ZNF138: variants seen among roughly 807,000 people sequenced by gnomAD.
The protein encoded by ZNF138 is zinc finger protein 138.
In ZNF138, 33 loss-of-function variants were observed where a neutral mutation model predicts 33.0. That is an observed-to-expected ratio of 1.00 (90% CI 0.76 to 1.34). ZNF138 has a LOEUF of 1.34. ZNF138 is among the 40% of genes most tolerant of loss of function. ZNF138 has a pLI of 0.00. For synonymous variants in ZNF138, 139 were observed against 120.4 expected (o/e 1.15, Z -1.01); for missense variants, 360 against 370.8 (o/e 0.97, Z 0.24).
intron 3 of ZNF138, among the ~76,000 whole-genome samples, chr7:64,830,487 T>G (rs574832799): frequency 3.9e-5 from 6 of 152,258 alleles, no homozygotes; most frequent in South Asian, 2.1e-4. Flanking sequence ...TTTTTTGTTT[T>G]GTTTTGTTTT....
chr7:64,795,990 G>A (rs1215424917), intron 1 of ZNF138, among the ~76,000 whole-genome samples: 1 of 152,206 alleles, frequency 6.6e-6, no homozygotes, highest in East Asian at 1.9e-4. Context: ...CCCTGGGGCT[G>A]AGAGGAATCT....
In ZNF138 at chr7:64,815,585, C is replaced by T. The variant is rs866665583; in HGVS notation, c.140C>T (p.Thr47Ile). The change falls in exon 3 of 4, where the codon ACC becomes ATC. Residue 47 changes from threonine (T) to isoleucine (I), a missense_variant. By Grantham distance (89) the Thr-to-Ile change is moderately conservative. Coordinates refer to ENST00000307355, the MANE Select transcript of ZNF138 (RefSeq NM_001271639.2). ...YRNLVFLDLI[T>I]CLEQGKEPWN... ...GCTATCTCTAAGCCAGACCTGATTA[C>T]CTGTCTGGAACAAGGAAAAGAGCCC... The T allele has an allele frequency of 2.5e-6, 4 of 1,611,442 alleles. No homozygotes were observed. Among genetic ancestry groups the T allele is most frequent in the Middle Eastern group, 1.7e-4 (1 of 6,050 alleles).
the ZNF138 span, among the ~76,000 whole-genome samples, chr7:64,855,371 G>A: frequency 3.3e-5 from 5 of 152,080 alleles, no homozygotes; most frequent in African/African-American, 7.2e-5. Context: ...AGTCAGAGAC[G>A]CTTAAATGTC....
chr7:64,824,482 A>G (rs978029683), intron 3 of ZNF138, among the ~76,000 whole-genome samples: 6 of 152,124 alleles, frequency 3.9e-5, no homozygotes, highest in South Asian at 2.1e-4. Flanking sequence ...ATAGTCTATA[A>G]TGTTGTCTAA....
At chr7:64,799,469 A>T (rs1786968127) in intron 1 of ZNF138, among the ~76,000 whole-genome samples, 1 of 151,780 alleles carries the variant, frequency 6.6e-6, no homozygotes, top group Non-Finnish European at 1.5e-5. Flanking sequence ...GCTGATGTTG[A>T]TCTTTTCTAT....
chr7:64,837,081 C>A (rs1167677423), downstream of ZNF138, among the ~76,000 whole-genome samples: 1 of 152,120 alleles, frequency 6.6e-6, no homozygotes, highest in African/African-American at 2.4e-5. Flanking sequence ...TCGAGAAGAA[C>A]CTGAATAAAT....
rs144734321 is a variant in ZNF138 at position 64,822,390 on chromosome 7, G to A, written c.208+6737G>A. 1.3e-3 allele frequency among the ~76,000 whole-genome samples: 191 copies of A among 151,500 alleles called. 5 individuals are homozygous for A. Among genetic ancestry groups the A allele is most frequent in the African/African-American group, 4.0e-3 (165 of 40,946 alleles). ...AAAGTAATGCCAAGATCAATGTCAT[G>A]TTTTTTTCTTACATTCATTTCTAAG... is the stretch of plus-strand genomic sequence containing the variant. On this transcript the variant is annotated intron_variant, in intron 3 of 3. Coordinates refer to ENST00000307355, the MANE Select transcript of ZNF138 (RefSeq NM_001271639.2).
At position 64,832,737 on chromosome 7, in the gene ZNF138, G is replaced by T; in HGVS notation, c.*535G>T. 1 of 451,630 alleles carries T rather than the reference G, an allele frequency of 2.2e-6. No individual in the cohort carries two copies. The allele number at this position is 451,630 out of a possible 1,614,324, so 28.0% of individuals were successfully genotyped here. On this transcript the variant is annotated 3_prime_UTR_variant, in exon 4 of 4. Transcript: ENST00000307355. ...TACTGCACATAAGATCATTCATACT[G>T]GAGAGAAACCTTACAAATGTGAGGA...
At chr7:64,859,848 G>A in the ZNF138 span, among the ~76,000 whole-genome samples, 7 of 152,130 alleles carry the variant, frequency 4.6e-5, no homozygotes, top group African/African-American at 1.7e-4. Context: ...TATAAAAATA[G>A]TGATTATTGG....
At chr7:64,838,487 T>G (rs1162062343), downstream of ZNF138, among the ~76,000 whole-genome samples, 1 of 152,148 alleles carries the variant, frequency 6.6e-6, no homozygotes, top group Admixed American at 6.5e-5. Context: ...CCTCTCCTGC[T>G]GGGGCTCTTA....
chr7:64,829,964 A>G (rs1432884099), intron 3 of ZNF138, among the ~76,000 whole-genome samples: 1 of 152,106 alleles, frequency 6.6e-6, no homozygotes, highest in Non-Finnish European at 1.5e-5. Flanking sequence ...CACAAATGGC[A>G]GTGCCAATAT....
the ZNF138 span, among the ~76,000 whole-genome samples, chr7:64,848,704 AT>A: frequency 0.017 from 1,702 of 102,568 alleles, 29 homozygotes; most frequent in African/African-American, 0.061. Flanking sequence ...ATTTTGGTGG[AT>A]TTTTTTTTTT....
intron 1 of ZNF138, among the ~76,000 whole-genome samples, chr7:64,813,775 T>A (rs1349722847): frequency 6.6e-6 from 1 of 152,086 alleles, no homozygotes; most frequent in Non-Finnish European, 1.5e-5. Context: ...TACAATTTAC[T>A]TTTGGGGGCA....
rs558379183 is a variant in ZNF138 at position 64,818,817 on chromosome 7, T to G, written c.208+3164T>G. On this transcript the variant is annotated intron_variant, in intron 3 of 3. Transcript: ENST00000307355. ...TCTTCTATTCATGGTTATGCTGCAT[T>G]TCCTCTGAAATTTTACTGCCATACA... 2.4e-3 allele frequency among the ~76,000 whole-genome samples: 363 copies of G among 152,132 alleles called. 5 individuals carry two copies. Among genetic ancestry groups the G allele is most frequent in the African/African-American group, 8.5e-3 (351 of 41,520 alleles).
chr7:64,821,001 T>C (rs1180184791), intron 3 of ZNF138, among the ~76,000 whole-genome samples: 1 of 151,318 alleles, frequency 6.6e-6, no homozygotes, highest in African/African-American at 2.5e-5. Flanking sequence ...TAAAAAAAAT[T>C]GATGATGGCC....
chr7:64,822,403 A>T (rs370664642), intron 3 of ZNF138, among the ~76,000 whole-genome samples: 1 of 151,540 alleles, frequency 6.6e-6, no homozygotes, highest in Non-Finnish European at 1.5e-5. Context: ...TTTTTCTTAC[A>T]TTCATTTCTA....
rs1040817597 is a variant in ZNF138, at chr7:64,830,924, C to A, written c.209-527C>A. The A allele has an allele frequency of 4.5e-6, 7 of 1,547,838 alleles. No homozygotes were observed. The Admixed American group carries it at 1.2e-4, about 26-fold the overall frequency. ...TCAGTAGTCACTTGCTACAACTGTT[C>A]CCTGTCTCTTTGCAGCTGTAGCATT... On this transcript the variant is annotated intron_variant, in intron 3 of 3. Coordinates refer to ENST00000307355, the MANE Select transcript of ZNF138 (RefSeq NM_001271639.2).
intron 1 of ZNF138, among the ~76,000 whole-genome samples, chr7:64,805,414 A>AAC (rs371227558): frequency 2.4e-4 from 33 of 135,272 alleles, no homozygotes; most frequent in South Asian, 7.3e-4. Context: ...AACAAAACAA[A>AAC]AAAAAAAACT....
Position 64,815,558 on chromosome 7 carries a change from T to C in ZNF138, c.131-18T>C, listed in dbSNP as rs1788552113. On this transcript the variant is annotated intron_variant, in intron 2 of 3. Coordinates refer to ENST00000307355, the MANE Select transcript of ZNF138 (RefSeq NM_001271639.2). ...TTACTTATTTTTAATAAAACAAGTATTGCTATCTCTAAGCCAGACCTGATT... is the reference window on the plus strand; with the variant it reads ...TTACTTATTTTTAATAAAACAAGTACTGCTATCTCTAAGCCAGACCTGATT... The C allele has an allele frequency of 6.2e-7, 1 of 1,602,650 alleles. No individual in the cohort carries two copies. Among genetic ancestry groups the C allele is most frequent in the African/African-American group, 1.3e-5 (1 of 74,316 alleles).
Sources: allele counts gnomAD v4.1 joint callset (sites outside exome capture counted in the v4.1 genomes callset), GRCh38; gene constraint gnomAD v4.1.1; transcripts MANE v1.5; gene names NCBI Gene and HGNC (gene_info 2026-07-23, HGNC 2026-07-21).